GPLD1: variants seen among roughly 807,000 people sequenced by gnomAD.
The protein encoded by GPLD1 is glycosylphosphatidylinositol specific phospholipase D1.
A neutral mutation model predicts 112.6 loss-of-function variants in GPLD1; 84 were observed. The ratio of observed to expected loss-of-function variants is 0.75; its 90% confidence interval spans 0.63 to 0.89. The LOEUF (loss-of-function observed/expected upper bound fraction) is 0.89, where lower values mean the gene tolerates loss of function less well. GPLD1 is among the 40% of genes least tolerant of loss of function. The pLI, the probability that GPLD1 is intolerant of heterozygous loss-of-function variation, is 0.00. For missense variants in GPLD1, 1,044 were observed against 1,051.5 expected (o/e 0.99, Z 0.10); for synonymous variants, 386 against 403.8 (o/e 0.96, Z 0.53).
Position 24,454,173 on chromosome 6 carries a change from C to G in GPLD1, c.1177G>C (p.Asp393His), listed in dbSNP as rs761988634. ...WAMTSADLNQDGHGDLVVGAP... is the reference protein window; with the variant it reads ...WAMTSADLNQHGHGDLVVGAP... Reference sequence around the variant, plus strand: ...CCCACCACGAGGTCACCGTGCCCATCCTGGTTGAGGTCAGCTGAGGTCATT... The same window carrying G: ...CCCACCACGAGGTCACCGTGCCCATGCTGGTTGAGGTCAGCTGAGGTCATT... The change falls in exon 14 of 25, where the codon GAT becomes CAT. Residue 393 changes from aspartate (D) to histidine (H), a missense_variant. Asp to His is a moderately conservative substitution (Grantham distance 81, BLOSUM62 -1). Coordinates refer to ENST00000230036, the MANE Select transcript of GPLD1 (RefSeq NM_001503.4). 1 of 1,613,264 alleles carries G rather than the reference C, an allele frequency of 6.2e-7. No individual in the cohort carries two copies. The highest frequency in any genetic ancestry group is 8.5e-7 in the Non-Finnish European group (1 of 1,179,618).
chr6:24,459,629 G>T (rs899846262), intron 12 of GPLD1, among the ~76,000 whole-genome samples: 1 of 152,164 alleles, frequency 6.6e-6, no homozygotes, highest in Non-Finnish European at 1.5e-5. Flanking sequence ...GGTTATTTTT[G>T]TATTTGTCAC....
At chr6:24,446,349 T>TA (rs35711560) in intron 18 of GPLD1, among the ~76,000 whole-genome samples, 103,870 of 149,238 alleles carry the variant, frequency 0.7, 36,430 homozygotes, top group East Asian at 0.84. Flanking sequence ...GTTTTTAAAT[T>TA]AAAAAAAAAA....
At chr6:24,479,996 A>G in intron 2 of GPLD1, 37 bp from the exon 3 acceptor site, 1 of 1,308,656 alleles carries the variant, frequency 7.6e-7, no homozygotes. Flanking sequence ...AAGGGGCAGG[A>G]GTCAACAGCC....
At chr6:24,446,122 G>T (rs929982840) in intron 18 of GPLD1, among the ~76,000 whole-genome samples, 1 of 151,952 alleles carries the variant, frequency 6.6e-6, no homozygotes, top group Non-Finnish European at 1.5e-5. Context: ...TGGTCCCCCC[G>T]ATCCCTACAC....
At chr6:24,444,314 A>T (rs1435505593) in intron 20 of GPLD1, among the ~76,000 whole-genome samples, 1 of 152,176 alleles carries the variant, frequency 6.6e-6, no homozygotes, top group African/African-American at 2.4e-5. Flanking sequence ...TAACATGAGA[A>T]TGTGCTTAAG....
At chr6:24,480,497 T>A (rs966122481) in intron 2 of GPLD1, among the ~76,000 whole-genome samples, 1 of 105,430 alleles carries the variant, frequency 9.5e-6, no homozygotes, top group Non-Finnish European at 1.9e-5. Context: ...CCACAGCTGG[T>A]TTTTTATAAA....
At chr6:24,489,689 C>G (rs745590169), upstream of GPLD1, 103 of 1,048,314 alleles carry the variant, frequency 9.8e-5, no homozygotes, top group Non-Finnish European at 1.3e-4. Flanking sequence ...TGTCCAACTA[C>G]TGTTTAGCTT....
At chr6:24,448,914 A>T (rs1238333355) in intron 15 of GPLD1, among the ~76,000 whole-genome samples, 3 of 152,112 alleles carry the variant, frequency 2.0e-5, no homozygotes, top group Non-Finnish European at 4.4e-5. Context: ...GCCAGGTACT[A>T]GGTACACAAT....
At chr6:24,473,827 AT>A (rs770488238) in intron 5 of GPLD1, among the ~76,000 whole-genome samples, 160 bp from the exon 6 acceptor site, 4 of 152,196 alleles carry the variant, frequency 2.6e-5, no homozygotes, top group Non-Finnish European at 4.4e-5. Flanking sequence ...TAGTAAAAAA[AT>A]AATAATAATA....
intron 4 of GPLD1, among the ~76,000 whole-genome samples, chr6:24,475,783 G>A (rs1173313028): frequency 3.3e-5 from 5 of 151,670 alleles, no homozygotes; most frequent in African/African-American, 4.9e-5. Context: ...GCATGAACCC[G>A]GGAGGTGGAG....
chr6:24,474,974 G>T, intron 5 of GPLD1, 147 bp downstream of exon 5: 1 of 513,900 alleles, frequency 1.9e-6, no homozygotes, highest in Non-Finnish European at 3.5e-6. Flanking sequence ...GAACAAATTG[G>T]AAAAGATGGG....
chr6:24,450,234 G>A (rs966452537), intron 14 of GPLD1, among the ~76,000 whole-genome samples: 6 of 152,226 alleles, frequency 3.9e-5, no homozygotes, highest in East Asian at 3.9e-4. Context: ...AAAATAGGCC[G>A]GGCACGGTGG....
chr6:24,433,653 C>A (rs1380298074), intron 22 of GPLD1: 3 of 335,570 alleles, frequency 8.9e-6, no homozygotes, highest in Non-Finnish European at 1.6e-5. Flanking sequence ...CCACCACGCC[C>A]GGTTAATTTT....
downstream of GPLD1, chr6:24,424,341 C>A (rs1762157347): frequency 6.6e-6 from 1 of 151,332 alleles, no homozygotes; most frequent in Non-Finnish European, 1.5e-5. Flanking sequence ...GTAATTAGAG[C>A]CTTTGGAAGC....
At chr6:24,482,382 G>A (rs971967089) in intron 2 of GPLD1, among the ~76,000 whole-genome samples, 6 of 152,024 alleles carry the variant, frequency 3.9e-5, no homozygotes, top group Non-Finnish European at 7.4e-5. Flanking sequence ...CCAGGTTCAA[G>A]TGATTCTCCT....
intron 7 of GPLD1, 35 bp downstream of exon 7, chr6:24,472,547 T>TA (rs1351410774): frequency 7.9e-7 from 1 of 1,266,054 alleles, no homozygotes; most frequent in African/African-American, 1.5e-5. Context: ...AAATGCCACT[T>TA]AGATACCACA....
chr6:24,433,556 G>C (rs569558875), intron 22 of GPLD1, 167 bp from the exon 23 acceptor site: 1 of 532,930 alleles, frequency 1.9e-6, no homozygotes, highest in African/African-American at 2.2e-5. Context: ...GCAGTGGCGT[G>C]ATCTCAGCTC....
chr6:24,485,544 A>G (rs889631639), intron 2 of GPLD1, among the ~76,000 whole-genome samples: 18 of 152,218 alleles, frequency 1.2e-4, no homozygotes, highest in Non-Finnish European at 2.4e-4. Context: ...TGTGATATAT[A>G]TAAGATACCT....
At position 24,445,615 on chromosome 6, in the gene GPLD1, G is replaced by C. The variant is rs762474184; in HGVS notation, c.1951C>G (p.Leu651Val). Reference sequence around the variant, plus strand: ...TTCATCAGTACGTGGCCACTGGAAAGGGAAGTACCCAGTTTCCCCATTGCC... The same window carrying C: ...TTCATCAGTACGTGGCCACTGGAAACGGAAGTACCCAGTTTCCCCATTGCC... ...DKAMGKLGTS[L>V]SSGHVLMNGT... Residue 651 changes from leucine to valine, a missense_variant, in exon 20 of 25, where the codon CTT becomes GTT. By Grantham distance (32) the Leu-to-Val change is conservative (BLOSUM62 1). Coordinates refer to ENST00000230036, the MANE Select transcript of GPLD1 (RefSeq NM_001503.4). The C allele has an allele frequency of 1.9e-6, 3 of 1,613,892 alleles. No individual in the cohort carries two copies. The highest frequency in any genetic ancestry group is 3.3e-5 in the Admixed American group (2 of 60,002).
Sources: allele counts gnomAD v4.1 joint callset (sites outside exome capture counted in the v4.1 genomes callset), GRCh38; gene constraint gnomAD v4.1.1; transcripts MANE v1.5; gene names NCBI Gene and HGNC (gene_info 2026-07-23, HGNC 2026-07-21).